Variants in OSBPL10 observed in about 807,000 individuals in gnomAD.
OSBPL10 encodes oxysterol binding protein like 10.
A neutral mutation model predicts 81.7 loss-of-function variants in OSBPL10; 49 were observed. The observed-to-expected ratio is 0.60, with a 90% CI of 0.48 to 0.76. OSBPL10 has a LOEUF of 0.76. OSBPL10 is among the 30% of genes least tolerant of loss of function. The pLI is 0.00. For missense variants in OSBPL10, 923 were observed against 987.8 expected (o/e 0.93, Z 0.88); for synonymous variants, 419 against 383.6 (o/e 1.09, Z -1.08).
At chr3:31,904,948 A>G (rs1696360073) in intron 1 of OSBPL10, among the ~76,000 whole-genome samples, 2 of 152,184 alleles carry the variant, frequency 1.3e-5, no homozygotes, top group Admixed American at 1.3e-4. Flanking sequence ...AGGCAGCTAC[A>G]AGCATCTGCC....
chr3:31,772,543 T>C (rs953910578), intron 4 of OSBPL10, among the ~76,000 whole-genome samples: 47 of 152,304 alleles, frequency 3.1e-4, no homozygotes, highest in Middle Eastern at 3.4e-3. Flanking sequence ...GCCACATCAG[T>C]AACAGGTGCC....
chr3:31,799,081 T>G (rs1699310104), intron 4 of OSBPL10, among the ~76,000 whole-genome samples: 2 of 152,164 alleles, frequency 1.3e-5, no homozygotes, highest in Admixed American at 6.5e-5. Flanking sequence ...ACCTGGGGAT[T>G]GGGAATCCCT....
intron 7 of OSBPL10, among the ~76,000 whole-genome samples, chr3:31,685,610 G>A (rs1700774041): frequency 6.6e-6 from 1 of 152,188 alleles, no homozygotes; most frequent in African/African-American, 2.4e-5. Flanking sequence ...GCCACGCAGG[G>A]AACACACCGG....
At chr3:31,702,293 G>GA in intron 7 of OSBPL10, 66 bp downstream of exon 7, 2 of 1,552,998 alleles carry the variant, frequency 1.3e-6, no homozygotes, top group Non-Finnish European at 1.8e-6. Flanking sequence ...TGTGCATAGA[G>GA]AAGGCTTGAG....
intron 3 of OSBPL10, among the ~76,000 whole-genome samples, chr3:31,847,284 T>C (rs1049780971): frequency 1.3e-5 from 2 of 151,604 alleles, no homozygotes; most frequent in Non-Finnish European, 2.9e-5. Context: ...GCAGCCTCGG[T>C]CTCCCAGGTT....
intron 3 of OSBPL10, among the ~76,000 whole-genome samples, chr3:31,861,871 A>T (rs1319679969): frequency 1.3e-5 from 2 of 152,146 alleles, no homozygotes; most frequent in Admixed American, 6.5e-5. Context: ...CCTCGTGCAC[A>T]TCCTGGTGCC....
chr3:31,766,329 G>GT lies in OSBPL10; in HGVS notation c.730-18210dup, dbSNP rs148986285. On this transcript the variant is annotated intron_variant, in intron 4 of 11. Transcript: ENST00000396556. The stretch of plus-strand genomic sequence containing the variant: ...ATGTTTGGCCCAATGTAGTTTTTTT[G>GT]TTTTTTTGTTTTTTTTTGTTTTTTT... Among the ~76,000 whole-genome samples, 122 of 22,608 alleles carry GT rather than the reference G, an allele frequency of 5.4e-3. 2 individuals carry two copies. The highest frequency in any genetic ancestry group is 8.1e-3 in the African/African-American group (105 of 12,960). The allele number at this position is 22,608 out of a possible 152,430, so 14.8% of individuals were successfully genotyped here. A position where few individuals can be genotyped will look rare whatever the true frequency, so the allele number is the denominator to read the frequency against.
chr3:32,069,076 G>A (rs752107627), intron 1 of OSBPL10, among the ~76,000 whole-genome samples: 2 of 152,154 alleles, frequency 1.3e-5, no homozygotes, highest in Non-Finnish European at 2.9e-5. Flanking sequence ...GGCTGGAGTT[G>A]AAGGCATAGT....
chr3:32,019,234 C>T (rs1191277381), intron 2 of OSBPL10, among the ~76,000 whole-genome samples: 3 of 151,944 alleles, frequency 2.0e-5, no homozygotes, highest in East Asian at 1.9e-4. Flanking sequence ...TAACAAAGTC[C>T]GAAGTTGTTC....
chr3:31,859,123 G>T (rs563006927), intron 3 of OSBPL10, among the ~76,000 whole-genome samples: 1 of 152,266 alleles, frequency 6.6e-6, no homozygotes, highest in East Asian at 1.9e-4. Flanking sequence ...ACAAAGCTAG[G>T]TAGTAGCCTG....
In OSBPL10 at chr3:31,970,231, TC is replaced by T. The variant is rs869147256; in HGVS notation, c.281+10667del. Among the ~76,000 whole-genome samples, 13 of 151,986 alleles carry T rather than the reference TC, an allele frequency of 8.6e-5. No individual in the cohort carries two copies. In the East Asian group the frequency reaches 2.3e-3, roughly 27 times the overall value. On this transcript the variant is annotated intron_variant, in intron 1 of 11. Transcript: ENST00000396556. ...GGGGCTTGCAAAAGAAGCATATTCCTCCCCCTCCCCACAAGGAAAATTCCAG... is the reference window on the plus strand; with the variant it reads ...GGGGCTTGCAAAAGAAGCATATTCCTCCCCTCCCCACAAGGAAAATTCCAG...
rs1700262281 is a variant in OSBPL10 at position 31,668,927 on chromosome 3, G to A, written c.1914-103C>T. Reference sequence around the variant, plus strand: ...AGATTTTTTTTTTTAATCAGAAATGGGAAGGAGGGATTGTTTTTGCAGCTT... The same window carrying A: ...AGATTTTTTTTTTTAATCAGAAATGAGAAGGAGGGATTGTTTTTGCAGCTT... On this transcript the variant is annotated intron_variant, in intron 9 of 11. Transcript: ENST00000396556. 9 of 1,056,222 alleles carry A rather than the reference G, an allele frequency of 8.5e-6. No homozygotes were observed. In the East Asian group the frequency reaches 2.0e-4, roughly 23 times the overall value. 65.4% of individuals were successfully genotyped at this position (1,056,222 alleles called of 1,614,324 possible). A position where few individuals can be genotyped will look rare whatever the true frequency, so the allele number is the denominator to read the frequency against.
chr3:31,823,517 C>G (rs1700029472), intron 4 of OSBPL10, among the ~76,000 whole-genome samples: 1 of 152,156 alleles, frequency 6.6e-6, no homozygotes, highest in Non-Finnish European at 1.5e-5. Context: ...ACATACATAA[C>G]TTTACGTTTT....
At chr3:31,788,953 GTTTC>G (rs576696006) in intron 4 of OSBPL10, among the ~76,000 whole-genome samples, 282 of 151,594 alleles carry the variant, frequency 1.9e-3, no homozygotes, top group African/African-American at 5.7e-3. Flanking sequence ...CTTCCTGGAT[GTTTC>G]TTTCTTTTTT....
chr3:31,894,846 AAT>A (rs1221990018), intron 1 of OSBPL10, among the ~76,000 whole-genome samples: 2 of 152,212 alleles, frequency 1.3e-5, no homozygotes, highest in African/African-American at 4.8e-5. Context: ...GCTATGCCGG[AAT>A]ATCTTTCCCA....
At chr3:31,917,429 G>A (rs565447152) in intron 1 of OSBPL10, among the ~76,000 whole-genome samples, 1 of 143,336 alleles carries the variant, frequency 7.0e-6, no homozygotes, top group African/African-American at 2.7e-5. Context: ...TAATTTACAT[G>A]ATGGGTAGTT....
At chr3:31,899,710 G>A (rs1696175933) in intron 1 of OSBPL10, among the ~76,000 whole-genome samples, 2 of 152,158 alleles carry the variant, frequency 1.3e-5, no homozygotes, top group East Asian at 1.9e-4. Context: ...GCCAGGTGCA[G>A]TGGTTCATGC....
intron 1 of OSBPL10, among the ~76,000 whole-genome samples, chr3:31,973,575 G>C (rs987571954): frequency 2.6e-5 from 4 of 152,160 alleles, no homozygotes; most frequent in African/African-American, 9.7e-5. Flanking sequence ...GCCAAAAGGA[G>C]ACAAAGCTGG....
At chr3:31,694,707 A>G (rs1419319973) in intron 7 of OSBPL10, among the ~76,000 whole-genome samples, 1 of 152,194 alleles carries the variant, frequency 6.6e-6, no homozygotes, top group African/African-American at 2.4e-5. Flanking sequence ...AGACTCATAG[A>G]AAATTATCTC....
Sources: allele counts gnomAD v4.1 joint callset (sites outside exome capture counted in the v4.1 genomes callset), GRCh38; gene constraint gnomAD v4.1.1; transcripts MANE v1.5; gene names NCBI Gene and HGNC (gene_info 2026-07-23, HGNC 2026-07-21).